Variants in CCDC30 observed in about 807,000 individuals in gnomAD.
CCDC30 encodes coiled-coil domain containing 30.
CCDC30 carries 70 observed loss-of-function variants against 100.2 expected under a neutral mutation model. That is an observed-to-expected ratio of 0.70 (90% CI 0.58 to 0.85). The LOEUF is 0.85. Ranked by LOEUF, CCDC30 falls within the 40% of genes least tolerant of loss-of-function variation. CCDC30 has a pLI of 0.00. For missense variants in CCDC30, 652 were observed against 771.2 expected (o/e 0.85, Z 1.83); for synonymous variants, 233 against 269.5 (o/e 0.86, Z 1.33).
intron 11 of CCDC30, among the ~76,000 whole-genome samples, chr1:42,630,275 A>G (rs1408334380): frequency 6.6e-6 from 1 of 150,586 alleles, no homozygotes; most frequent in Non-Finnish European, 1.5e-5. Flanking sequence ...GTTCCTGGCT[A>G]GATTTGCCCT....
At chr1:42,518,776 TTTG>T (rs903038887) in intron 6 of CCDC30, among the ~76,000 whole-genome samples, 1 of 152,178 alleles carries the variant, frequency 6.6e-6, no homozygotes, top group African/African-American at 2.4e-5. Flanking sequence ...ACCTTTTATT[TTTG>T]TTGTTGTTGT....
intron 11 of CCDC30, among the ~76,000 whole-genome samples, chr1:42,634,764 ATGTTT>A (rs1170430432): frequency 6.6e-6 from 1 of 152,184 alleles, no homozygotes; most frequent in Non-Finnish European, 1.5e-5. Context: ...GCTTTTGTCC[ATGTTT>A]TGATTGTTAC....
chr1:42,549,094 T>G (rs1645199108), intron 6 of CCDC30, among the ~76,000 whole-genome samples: 1 of 152,194 alleles, frequency 6.6e-6, no homozygotes, highest in Non-Finnish European at 1.5e-5. Context: ...TTCCCAAAAC[T>G]TTAGGAATTC....
chr1:42,567,738 A>C (rs771048935), intron 7 of CCDC30, among the ~76,000 whole-genome samples: 2 of 152,200 alleles, frequency 1.3e-5, no homozygotes, highest in Non-Finnish European at 2.9e-5. Flanking sequence ...TTAACTCTCC[A>C]ACTCGGGACA....
rs1013912714 is a variant in CCDC30 at position 42,653,293 on chromosome 1, T to TTA, written c.1855-73_1855-72dup. The TTA allele has an allele frequency of 3.5e-4, 240 of 694,586 alleles. No individual in the cohort carries two copies. The Middle Eastern group carries it at 7.7e-3, about 22-fold the overall frequency. 43.0% of individuals were successfully genotyped at this position (694,586 alleles called of 1,614,324 possible). A position where few individuals can be genotyped will look rare whatever the true frequency, so the allele number is the denominator to read the frequency against. ...GTACTATGTGCAGGTATTGTATCTA[T>TTA]TATATATATATTTTTTTCTAGGATC... On this transcript the variant is annotated intron_variant, in intron 15 of 16. Coordinates refer to ENST00000668663, the Ensembl canonical transcript of CCDC30.
At chr1:42,632,615 C>T (rs1647060320) in intron 11 of CCDC30, among the ~76,000 whole-genome samples, 1 of 148,006 alleles carries the variant, frequency 6.8e-6, no homozygotes, top group African/African-American at 2.5e-5. Flanking sequence ...ACAAAATTAG[C>T]CGGGCGTGAT....
intron 10 of CCDC30, among the ~76,000 whole-genome samples, chr1:42,598,701 T>A (rs1646341554): frequency 6.6e-6 from 1 of 151,952 alleles, no homozygotes; most frequent in South Asian, 2.1e-4. Context: ...AAAGAGAATG[T>A]CAAAGTTGGT....
At chr1:42,564,723 A>G (rs1016515122) in intron 6 of CCDC30, among the ~76,000 whole-genome samples, 4 of 152,188 alleles carry the variant, frequency 2.6e-5, no homozygotes, top group Admixed American at 1.3e-4. Flanking sequence ...CTCTTTTAAC[A>G]ATTTTCAAGT....
intron 7 of CCDC30, among the ~76,000 whole-genome samples, chr1:42,567,448 A>T (rs181163084): frequency 5.3e-5 from 8 of 152,326 alleles, no homozygotes; most frequent in Admixed American, 5.2e-4. Context: ...CATGGATAAG[A>T]AAGGTCCCTA....
At chr1:42,552,547 G>A (rs1645273406) in intron 6 of CCDC30, among the ~76,000 whole-genome samples, 1 of 151,776 alleles carries the variant, frequency 6.6e-6, no homozygotes, top group South Asian at 2.1e-4. Flanking sequence ...TAAATTTAAA[G>A]CACCAATTCA....
chr1:42,485,457 C>T (rs1644034608), intron 3 of CCDC30, among the ~76,000 whole-genome samples: 1 of 152,060 alleles, frequency 6.6e-6, no homozygotes, highest in Admixed American at 6.6e-5. Context: ...GAATATGTAA[C>T]AAATTCTTAC....
At chr1:42,494,932 G>A (rs527913814) in intron 4 of CCDC30, among the ~76,000 whole-genome samples, 1 of 69,786 alleles carries the variant, frequency 1.4e-5, no homozygotes, top group Admixed American at 1.9e-4. Context: ...TTCAACCATT[G>A]TGGAAGTCAG....
chr1:42,637,302 A>G, exon 12 of CCDC30: 1 of 1,583,512 alleles, frequency 6.3e-7, no homozygotes, highest in Non-Finnish European at 8.5e-7. Flanking sequence ...CGTTTAACTA[A>G]TGAAGTAGAA....
At chr1:42,494,062 A>C (rs1410466786) in intron 4 of CCDC30, among the ~76,000 whole-genome samples, 2 of 152,198 alleles carry the variant, frequency 1.3e-5, no homozygotes, top group East Asian at 3.9e-4. Context: ...AAAAATACAA[A>C]AAAAGAACAA....
chr1:42,646,313 A>G (rs1647879001), exon 15 of CCDC30: 1 of 1,493,418 alleles, frequency 6.7e-7, no homozygotes, highest in South Asian at 1.4e-5. Context: ...CACTCTGAGC[A>G]GATGGTAGGA....
chr1:42,473,385 A>G, intron 1 of CCDC30: 1 of 782,776 alleles, frequency 1.3e-6, no homozygotes, highest in Non-Finnish European at 1.7e-6. Context: ...TTAAAAACTA[A>G]TGTTTGGCTA....
At chr1:42,607,950 T>C (rs1370619493) in intron 10 of CCDC30, among the ~76,000 whole-genome samples, 1 of 152,168 alleles carries the variant, frequency 6.6e-6, no homozygotes, top group Non-Finnish European at 1.5e-5. Flanking sequence ...CAGAACCACA[T>C]GAGTTCAACA....
chr1:42,477,727 G>A (rs1322970541), intron 1 of CCDC30, among the ~76,000 whole-genome samples: 2 of 152,198 alleles, frequency 1.3e-5, no homozygotes, highest in African/African-American at 4.8e-5. Flanking sequence ...AAAGAGATAA[G>A]CCAGTGGTTG....
At chr1:42,579,204 AT>A (rs1423108906) in intron 8 of CCDC30, among the ~76,000 whole-genome samples, 1 of 150,602 alleles carries the variant, frequency 6.6e-6, no homozygotes, top group Non-Finnish European at 1.5e-5. Context: ...GTTGGCCGGG[AT>A]GGTCTTGATC....
Sources: allele counts gnomAD v4.1 joint callset (sites outside exome capture counted in the v4.1 genomes callset), GRCh38; gene constraint gnomAD v4.1.1; transcripts MANE v1.5; gene names NCBI Gene and HGNC (gene_info 2026-07-23, HGNC 2026-07-21).